Variants in KSR2 observed in about 807,000 individuals in gnomAD.
KSR2 encodes the protein kinase suppressor of ras 2.
KSR2 carries 25 observed loss-of-function variants against 107.8 expected under a neutral mutation model. The ratio of observed to expected loss-of-function variants is 0.23; its 90% CI spans 0.17 to 0.32. KSR2 has a LOEUF of 0.32. Ranked by LOEUF, KSR2 falls within the 10% of genes least tolerant of loss-of-function variation. The pLI, the probability that KSR2 is intolerant of heterozygous loss-of-function variation, is 1.00. For synonymous variants in KSR2, 480 were observed against 507.0 expected (o/e 0.95, Z 0.71); for missense variants, 887 against 1,268.9 (o/e 0.70, Z 4.57).
At chr12:117,731,572 A>G (rs1287811338) in intron 4 of KSR2, among the ~76,000 whole-genome samples, 1 of 152,214 alleles carries the variant, frequency 6.6e-6, no homozygotes. Context: ...CATGATAACG[A>G]TGGCGGTTTT....
intron 3 of KSR2, among the ~76,000 whole-genome samples, chr12:117,819,773 C>T (rs2137075087): frequency 6.6e-6 from 1 of 152,208 alleles, no homozygotes; most frequent in South Asian, 2.1e-4. Context: ...TATGCAAATT[C>T]CCCCTGTTCA....
intron 4 of KSR2, among the ~76,000 whole-genome samples, chr12:117,691,403 T>G (rs147626587): frequency 2.6e-5 from 4 of 152,190 alleles, no homozygotes; most frequent in Non-Finnish European, 5.9e-5. Context: ...CCTAGGAAAC[T>G]GGATAAGAGC....
chr12:117,727,213 A>T (rs560751851), intron 4 of KSR2, among the ~76,000 whole-genome samples: 4 of 102,146 alleles, frequency 3.9e-5, no homozygotes, highest in Admixed American at 9.4e-5. Flanking sequence ...CCATCTCTAT[A>T]AAAAAAAAAA....
At chr12:117,691,918 G>A (rs1014826335) in intron 4 of KSR2, among the ~76,000 whole-genome samples, 11 of 152,186 alleles carry the variant, frequency 7.2e-5, no homozygotes, top group African/African-American at 2.7e-4. Flanking sequence ...CCATTTTACA[G>A]ATGAGAAAAT....
chr12:117,482,940 T>C (rs1481264359), intron 16 of KSR2, among the ~76,000 whole-genome samples: 2 of 152,192 alleles, frequency 1.3e-5, no homozygotes, highest in African/African-American at 4.8e-5. Flanking sequence ...TCACCCAACA[T>C]TGCGTCCTTG....
chr12:117,941,792 ATT>A (rs542293863), intron 1 of KSR2, among the ~76,000 whole-genome samples: 5 of 97,776 alleles, frequency 5.1e-5, no homozygotes, highest in Admixed American at 2.7e-4. Flanking sequence ...GGCCTGGCTA[ATT>A]TTTTTTTTTT....
chr12:117,682,563 G>A (rs998804887), intron 4 of KSR2, among the ~76,000 whole-genome samples: 1 of 151,896 alleles, frequency 6.6e-6, no homozygotes, highest in Non-Finnish European at 1.5e-5. Context: ...GAATACAGGT[G>A]CGCACCACCA....
chr12:117,957,837 T>A (rs1273118768), intron 1 of KSR2, among the ~76,000 whole-genome samples: 4 of 151,122 alleles, frequency 2.6e-5, no homozygotes, highest in African/African-American at 9.7e-5. Flanking sequence ...CCACCTTTTT[T>A]TTTTTTTTTT....
At chr12:117,473,044 T>G (rs1592905185) in intron 17 of KSR2, among the ~76,000 whole-genome samples, 1 of 152,246 alleles carries the variant, frequency 6.6e-6, no homozygotes, top group East Asian at 1.9e-4. Flanking sequence ...AGGCCAATAT[T>G]CCCCAGCCCC....
At chr12:117,513,272 A>G (rs1400562290) in intron 14 of KSR2, among the ~76,000 whole-genome samples, 2 of 152,232 alleles carry the variant, frequency 1.3e-5, no homozygotes, top group Non-Finnish European at 2.9e-5. Flanking sequence ...CCCAGTGGTC[A>G]ATCAATCCTG....
At chr12:117,471,716 T>C (rs1269505887) in intron 17 of KSR2, among the ~76,000 whole-genome samples, 1 of 152,154 alleles carries the variant, frequency 6.6e-6, no homozygotes, top group African/African-American at 2.4e-5. Flanking sequence ...GAATTGGTTA[T>C]ATGCATTATG....
chr12:117,837,839 T>C (rs939505270), intron 3 of KSR2, among the ~76,000 whole-genome samples: 4 of 152,170 alleles, frequency 2.6e-5, no homozygotes, highest in African/African-American at 9.7e-5. Context: ...GGTAGGGAAG[T>C]ACCGTCTCCC....
intron 4 of KSR2, among the ~76,000 whole-genome samples, chr12:117,676,889 C>T (rs531203159): frequency 6.6e-6 from 1 of 152,290 alleles, no homozygotes; most frequent in Non-Finnish European, 1.5e-5. Context: ...CACACAAACA[C>T]TGGGAACATC....
intron 1 of KSR2, among the ~76,000 whole-genome samples, chr12:117,872,670 G>T (rs1893689261): frequency 6.6e-6 from 1 of 152,142 alleles, no homozygotes; most frequent in Non-Finnish European, 1.5e-5. Flanking sequence ...GACTCTAATG[G>T]TTCCAAGAAT....
chr12:117,633,056 C>T (rs1299126044), intron 5 of KSR2, among the ~76,000 whole-genome samples: 1 of 152,162 alleles, frequency 6.6e-6, no homozygotes, highest in African/African-American at 2.4e-5. Context: ...GGAATAAAGT[C>T]ATTCAGGTAC....
At chr12:117,514,385 TC>T (rs1874230184) in intron 14 of KSR2, among the ~76,000 whole-genome samples, 1 of 152,134 alleles carries the variant, frequency 6.6e-6, no homozygotes, top group Non-Finnish European at 1.5e-5. Context: ...AGAGGGAATG[TC>T]CCAAAATAGT....
At chr12:117,874,127 C>T (rs1398617197) in intron 1 of KSR2, among the ~76,000 whole-genome samples, 3 of 152,176 alleles carry the variant, frequency 2.0e-5, no homozygotes, top group South Asian at 2.1e-4. Context: ...CCCTTCTACT[C>T]GGTGAATTTC....
intron 4 of KSR2, among the ~76,000 whole-genome samples, chr12:117,722,435 T>C (rs1022814596): frequency 6.6e-5 from 10 of 152,144 alleles, no homozygotes; most frequent in African/African-American, 2.4e-4. Context: ...CAGCACAAGA[T>C]ACAGGCATCA....
intron 9 of KSR2, among the ~76,000 whole-genome samples, chr12:117,543,225 C>T (rs1382334408): frequency 6.6e-6 from 1 of 152,216 alleles, no homozygotes; most frequent in Non-Finnish European, 1.5e-5. Context: ...AGTAGCTGCA[C>T]CATTTTACAC....
Sources: allele counts gnomAD v4.1 joint callset (sites outside exome capture counted in the v4.1 genomes callset), GRCh38; gene constraint gnomAD v4.1.1; transcripts MANE v1.5; gene names NCBI Gene and HGNC (gene_info 2026-07-23, HGNC 2026-07-21).